LIX1: variants seen among roughly 807,000 people sequenced by gnomAD.
The protein encoded by LIX1 is protein limb expression 1 homolog.
A neutral mutation model predicts 33.4 loss-of-function variants in LIX1; 24 were observed. The ratio of observed to expected loss-of-function variants is 0.72; its 90% CI spans 0.52 to 1.01. LIX1 has a LOEUF of 1.01. Ranked by LOEUF, LIX1 falls within the 50% of genes least tolerant of loss-of-function variation. LIX1 has a pLI of 0.00. For synonymous variants in LIX1, 124 were observed against 124.0 expected (o/e 1.00, Z 0.00); for missense variants, 311 against 339.2 (o/e 0.92, Z 0.65).
chr5:97,107,693 G>T (rs919108030), intron 2 of LIX1, among the ~76,000 whole-genome samples, 193 bp from the exon 3 acceptor site: 1 of 152,162 alleles, frequency 6.6e-6, no homozygotes, highest in Non-Finnish European at 1.5e-5. Context: ...AAATGTCTTG[G>T]TTGATCTTCA....
intron 4 of LIX1, among the ~76,000 whole-genome samples, chr5:97,103,794 T>C (rs1381214172): frequency 1.3e-5 from 2 of 151,642 alleles, no homozygotes; most frequent in African/African-American, 2.4e-5. Context: ...TGAAATCCCG[T>C]CTCTACTAAA....
At chr5:97,113,933 G>C (rs1464449113) in intron 2 of LIX1, among the ~76,000 whole-genome samples, 1 of 152,172 alleles carries the variant, frequency 6.6e-6, no homozygotes, top group Non-Finnish European at 1.5e-5. Flanking sequence ...ACTCACTGAG[G>C]ACAGGAATAT....
At chr5:97,138,540 A>G (rs1382666392) in intron 1 of LIX1, among the ~76,000 whole-genome samples, 3 of 152,156 alleles carry the variant, frequency 2.0e-5, no homozygotes, top group Admixed American at 6.5e-5. Flanking sequence ...GTTAACTCCA[A>G]TGGCTCCCTA....
intron 2 of LIX1, among the ~76,000 whole-genome samples, chr5:97,108,841 C>G (rs1017837536): frequency 2.0e-5 from 3 of 152,134 alleles, no homozygotes; most frequent in African/African-American, 7.2e-5. Context: ...GCATGATTCT[C>G]AGAATCAGTA....
rs975805775 is a variant in LIX1, at chr5:97,092,795, A to T, written c.*1953T>A. 1 of 152,354 alleles carries T rather than the reference A, an allele frequency of 6.6e-6. No homozygotes were observed. Among genetic ancestry groups the T allele is most frequent in the African/African-American group, 2.4e-5 (1 of 41,454 alleles). The allele number at this position is 152,354 out of a possible 1,614,324, so 9.4% of individuals were successfully genotyped here. A position where few individuals can be genotyped will look rare whatever the true frequency, so the allele number is the denominator to read the frequency against. On this transcript the variant is annotated 3_prime_UTR_variant, in exon 6 of 6. Transcript: ENST00000274382. The stretch of plus-strand genomic sequence containing the variant: ...TGCTAATGCAGTAAAGGTGTGCCTA[A>T]CTTTCATCACATCCAGCATGGGAAA...
At chr5:97,114,694 C>T (rs1747589757) in intron 2 of LIX1, among the ~76,000 whole-genome samples, 2 of 152,182 alleles carry the variant, frequency 1.3e-5, no homozygotes, top group Non-Finnish European at 2.9e-5. Flanking sequence ...GGACCCAGGA[C>T]AACTCTTAGA....
chr5:97,119,022 T>A (rs1747710622), intron 2 of LIX1, among the ~76,000 whole-genome samples: 1 of 152,200 alleles, frequency 6.6e-6, no homozygotes, highest in Admixed American at 6.6e-5. Context: ...CTTTGATTAA[T>A]CAGAAAACTA....
intron 1 of LIX1, 131 bp from the exon 2 acceptor site, chr5:97,124,760 T>C (rs909793519): frequency 1.8e-6 from 1 of 551,796 alleles, no homozygotes; most frequent in African/African-American, 1.9e-5. Flanking sequence ...ATGTGGATAG[T>C]GGGGTGGAGG....
intron 1 of LIX1, among the ~76,000 whole-genome samples, chr5:97,141,825 GTATTGCTAGAA>G: frequency 6.6e-6 from 1 of 152,256 alleles, no homozygotes; most frequent in African/African-American, 2.4e-5. Flanking sequence ...TGGTTTAATA[GTATTGCTAGAA>G]TTGGAAATCT....
rs1194849705 is a variant in LIX1 at position 97,136,950 on chromosome 5, T to G, written c.82+5545A>C. 2.6e-5 allele frequency among the ~76,000 whole-genome samples: 4 copies of G among 152,250 alleles called. No homozygotes were observed. The East Asian group carries it at 7.7e-4, about 29-fold the overall frequency. The stretch of plus-strand genomic sequence containing the variant: ...ACATGGAGGAAAAGAAGTAAGAGTG[T>G]TTGGGGTTAAAACATCAATATGAAA... On this transcript the variant is annotated intron_variant, in intron 1 of 5. Coordinates refer to ENST00000274382, the MANE Select transcript of LIX1 (RefSeq NM_153234.5).
At chr5:97,135,900 A>G (rs572592087) in intron 1 of LIX1, among the ~76,000 whole-genome samples, 8 of 152,216 alleles carry the variant, frequency 5.3e-5, no homozygotes, top group Non-Finnish European at 1.2e-4. Flanking sequence ...ATAAAGGATT[A>G]GTCATGCTGG....
rs1746241812 is a variant in LIX1, at chr5:97,094,541, A to C, written c.*207T>G. On this transcript the variant is annotated 3_prime_UTR_variant, in exon 6 of 6. Transcript: ENST00000274382. ...TTCATCCTGAGCTGGAACTATTGAG[A>C]ATGTGATAGAAAAATGCATCGAGTG... is the stretch of plus-strand genomic sequence containing the variant. 5 of 555,612 alleles carry C rather than the reference A, an allele frequency of 9.0e-6. No individual in the cohort carries two copies. Among genetic ancestry groups the C allele is most frequent in the African/African-American group, 1.9e-5 (1 of 53,364 alleles). The allele number at this position is 555,612 out of a possible 1,614,324, so 34.4% of individuals were successfully genotyped here.
At chr5:97,129,475 T>G (rs1748007503) in intron 1 of LIX1, among the ~76,000 whole-genome samples, 1 of 152,110 alleles carries the variant, frequency 6.6e-6, no homozygotes, top group South Asian at 2.1e-4. Flanking sequence ...ATCCTCCTAA[T>G]GTACCTATTA....
chr5:97,110,740 G>C (rs759768837), intron 2 of LIX1, among the ~76,000 whole-genome samples: 2 of 152,158 alleles, frequency 1.3e-5, no homozygotes, highest in Non-Finnish European at 2.9e-5. Context: ...CACAGTGCTG[G>C]GCCCAAAGAG....
intron 1 of LIX1, among the ~76,000 whole-genome samples, chr5:97,136,115 G>A (rs902513519): frequency 6.6e-6 from 1 of 152,204 alleles, no homozygotes; most frequent in East Asian, 1.9e-4. Context: ...ACTCACAGTC[G>A]GGGGTAGATC....
At chr5:97,141,658 T>TA (rs562091676) in intron 1 of LIX1, among the ~76,000 whole-genome samples, 7 of 152,194 alleles carry the variant, frequency 4.6e-5, no homozygotes, top group Admixed American at 3.3e-4. Flanking sequence ...CTATTGAAGT[T>TA]AAAAAAAATT....
rs1241155952 is a variant in LIX1, at chr5:97,092,132, A to G, written c.*2616T>C. On this transcript the variant is annotated 3_prime_UTR_variant, in exon 6 of 6. Transcript: ENST00000274382. ...AGTTTGACAGTGTATGTTGTGTTCA[A>G]AATCAACAGTTCTAAACAAGAATCT... 6.6e-6 allele frequency: 1 copy of G among 152,206 alleles called. No individual in the cohort carries two copies. The highest frequency in any genetic ancestry group is 1.5e-5 in the Non-Finnish European group (1 of 67,954). 9.4% of individuals were successfully genotyped at this position (152,206 alleles called of 1,614,324 possible). A position where few individuals can be genotyped will look rare whatever the true frequency, so the allele number is the denominator to read the frequency against.
At chr5:97,099,701 G>A (rs1374773592) in intron 4 of LIX1, among the ~76,000 whole-genome samples, 2 of 152,120 alleles carry the variant, frequency 1.3e-5, no homozygotes, top group Admixed American at 6.6e-5. Flanking sequence ...GCCAGGTGTG[G>A]TGGTGGGTAC....
chr5:97,126,637 C>CT (rs1016872695), intron 1 of LIX1, among the ~76,000 whole-genome samples: 4,615 of 123,630 alleles, frequency 0.037, 211 homozygotes, highest in African/African-American at 0.088. Flanking sequence ...TATTTTCTTT[C>CT]TTTTTTTTTT....
Sources: allele counts gnomAD v4.1 joint callset (sites outside exome capture counted in the v4.1 genomes callset), GRCh38; gene constraint gnomAD v4.1.1; transcripts MANE v1.5; gene names NCBI Gene and HGNC (gene_info 2026-07-23, HGNC 2026-07-21).